ABHD18: variants seen among roughly 807,000 people sequenced by gnomAD.
ABHD18 encodes abhydrolase domain containing 18.
In ABHD18, 55 loss-of-function variants were observed where a neutral mutation model predicts 65.9. The ratio of observed to expected loss-of-function variants is 0.84; its 90% CI spans 0.67 to 1.05. The LOEUF is 1.05. Among genes scored for constraint, ABHD18 ranks in the 50% least tolerant of loss-of-function variants. ABHD18 has a pLI of 0.00. For synonymous variants in ABHD18, 181 were observed against 180.2 expected (o/e 1.00, Z -0.04); for missense variants, 533 against 558.5 (o/e 0.95, Z 0.46).
chr4:128,018,948 A>C (rs1424456949), intron 8 of ABHD18, among the ~76,000 whole-genome samples: 1 of 146,786 alleles, frequency 6.8e-6, no homozygotes, highest in Non-Finnish European at 1.5e-5. Context: ...CAGGAAGCGG[A>C]GGTTGCAGTG....
intron 4 of ABHD18, among the ~76,000 whole-genome samples, chr4:128,001,347 G>A (rs187669409): frequency 1.3e-5 from 2 of 152,276 alleles, no homozygotes; most frequent in East Asian, 3.9e-4. Flanking sequence ...TTAACATGAA[G>A]TGATGTTGAA....
intron 4 of ABHD18, among the ~76,000 whole-genome samples, chr4:128,005,389 C>T (rs1018117549): frequency 1.3e-5 from 2 of 152,248 alleles, no homozygotes; most frequent in African/African-American, 4.8e-5. Flanking sequence ...GTTTATTATT[C>T]CTTTAAATGC....
chr4:128,011,821 A>T (rs1210584979), intron 7 of ABHD18, 121 bp downstream of exon 7: 2 of 470,580 alleles, frequency 4.3e-6, no homozygotes, highest in African/African-American at 2.2e-5. Flanking sequence ...GGGGGGGGGG[A>T]GTTCTGTTAT....
chr4:127,987,880 C>T (rs1468705474), intron 3 of ABHD18, among the ~76,000 whole-genome samples: 5 of 151,904 alleles, frequency 3.3e-5, no homozygotes, highest in African/African-American at 9.7e-5. Context: ...AAGTATTGAA[C>T]ATAGAACCTA....
intron 7 of ABHD18, among the ~76,000 whole-genome samples, chr4:128,013,307 T>G (rs1754893891): frequency 3.9e-5 from 6 of 152,118 alleles, no homozygotes; most frequent in Admixed American, 3.9e-4. Flanking sequence ...TTAGTTTAAC[T>G]AGGTAGTAGT....
At chr4:128,034,227 G>T (rs1407442568) in intron 12 of ABHD18, among the ~76,000 whole-genome samples, 1 of 152,048 alleles carries the variant, frequency 6.6e-6, no homozygotes, top group Non-Finnish European at 1.5e-5. Flanking sequence ...AAAGTGCTGG[G>T]ATTACAGGCG....
intron 7 of ABHD18, among the ~76,000 whole-genome samples, chr4:128,012,676 G>A (rs1754772272): frequency 6.6e-6 from 1 of 152,092 alleles, no homozygotes; most frequent in South Asian, 2.1e-4. Flanking sequence ...CCACCTGCAT[G>A]AAGACTTGGA....
chr4:127,980,520 A>G (rs1748830222), intron 1 of ABHD18, among the ~76,000 whole-genome samples: 1 of 152,116 alleles, frequency 6.6e-6, no homozygotes, highest in Non-Finnish European at 1.5e-5. Flanking sequence ...CTGAAATGCA[A>G]AATTAGAAGT....
chr4:127,988,947 T>C (rs980469526), intron 3 of ABHD18, among the ~76,000 whole-genome samples: 1 of 152,104 alleles, frequency 6.6e-6, no homozygotes, highest in African/African-American at 2.4e-5. Context: ...AGAAAGGAAA[T>C]CACTGTATCA....
At chr4:128,022,731 T>G (rs867171251) in intron 10 of ABHD18, among the ~76,000 whole-genome samples, 2 of 152,144 alleles carry the variant, frequency 1.3e-5, no homozygotes, top group Middle Eastern at 3.4e-3. Flanking sequence ...GATGATGAAT[T>G]GGTTTCCTAC....
At position 128,030,643 on chromosome 4, in the gene ABHD18, T is replaced by C; in HGVS notation, c.1314T>C (p.Ser438=). 6.3e-7 allele frequency: 1 copy of C among 1,597,988 alleles called. No individual in the cohort carries two copies. Among genetic ancestry groups the C allele is most frequent in the Non-Finnish European group, 8.5e-7 (1 of 1,176,978 alleles). Residue 438 remains serine, a synonymous_variant, in exon 12 of 13, where the codon AGT becomes AGC. Transcript: ENST00000645843. ...GATACTTAGAAGGGGGTCATATTAG[T>C]GCTTATCTTTTTAAACAAGGACTCT... ...EIRYLEGGHI[S]AYLFKQGLFR... is the part of the protein sequence containing the mutation.
intron 9 of ABHD18, among the ~76,000 whole-genome samples, chr4:128,020,849 C>T (rs1275064333): frequency 1.3e-5 from 2 of 152,056 alleles, no homozygotes; most frequent in African/African-American, 4.8e-5. Flanking sequence ...GCCTGGCCAA[C>T]ATGGTGAAAC....
chr4:128,024,631 T>C (rs899416365), intron 10 of ABHD18, among the ~76,000 whole-genome samples: 5 of 152,184 alleles, frequency 3.3e-5, no homozygotes, highest in Non-Finnish European at 7.4e-5. Context: ...CTTCCTCTTA[T>C]AGTGATTTGT....
rs1056550875 is a variant in ABHD18, at chr4:127,973,901, T to C, written c.-18+8295T>C. Among the ~76,000 whole-genome samples the C allele has an allele frequency of 2.7e-5, 4 of 149,330 alleles. No homozygotes were observed. The East Asian group carries it at 6.0e-4, about 22-fold the overall frequency. On this transcript the variant is annotated intron_variant, in intron 1 of 12. Transcript: ENST00000645843. ...AAAAAAATGAATTCTGCCTTCAACC[T>C]GAGTAAGCGTGGAAGTGAGTTCTTG... is the stretch of plus-strand genomic sequence containing the variant.
intron 7 of ABHD18, among the ~76,000 whole-genome samples, chr4:128,013,268 T>C (rs963574308): frequency 6.6e-6 from 1 of 152,078 alleles, no homozygotes; most frequent in African/African-American, 2.4e-5. Context: ...TAGGAAGCTA[T>C]TGAAATGATG....
intron 1 of ABHD18, among the ~76,000 whole-genome samples, chr4:127,979,548 C>CT (rs1225523535): frequency 1.3e-5 from 2 of 152,102 alleles, no homozygotes; most frequent in African/African-American, 4.8e-5. Flanking sequence ...ATGCGAGACT[C>CT]TGTCTCAAAA....
At chr4:128,010,716 C>A (rs1339508767) in intron 6 of ABHD18, among the ~76,000 whole-genome samples, 1 of 152,046 alleles carries the variant, frequency 6.6e-6, no homozygotes, top group Non-Finnish European at 1.5e-5. Context: ...GAGTTCGAGA[C>A]CAGCCTGGCC....
At chr4:127,975,337 C>G (rs953667311) in intron 1 of ABHD18, among the ~76,000 whole-genome samples, 1 of 152,154 alleles carries the variant, frequency 6.6e-6, no homozygotes, top group African/African-American at 2.4e-5. Flanking sequence ...GGGCAACCAT[C>G]CTTCTACTTT....
chr4:128,020,698 C>G (rs1384593830), intron 9 of ABHD18, among the ~76,000 whole-genome samples: 1 of 152,060 alleles, frequency 6.6e-6, no homozygotes, highest in Non-Finnish European at 1.5e-5. Flanking sequence ...GGTCAAGTTC[C>G]CAGACTCCAG....
Sources: allele counts gnomAD v4.1 joint callset (sites outside exome capture counted in the v4.1 genomes callset), GRCh38; gene constraint gnomAD v4.1.1; transcripts MANE v1.5; gene names NCBI Gene and HGNC (gene_info 2026-07-23, HGNC 2026-07-21).